Variants in ZDHHC23 observed in about 807,000 individuals in gnomAD.
ZDHHC23 encodes the protein zDHHC palmitoyltransferase 23.
ZDHHC23 carries 41 observed loss-of-function variants against 40.2 expected under a neutral mutation model. The ratio of observed to expected loss-of-function variants is 1.02; its 90% CI spans 0.79 to 1.32. ZDHHC23 has a LOEUF of 1.32. Ranked by LOEUF, ZDHHC23 falls within the 40% of genes most tolerant of loss-of-function variation. ZDHHC23 has a pLI of 0.00. For synonymous variants in ZDHHC23, 204 were observed against 210.2 expected (o/e 0.97, Z 0.26); for missense variants, 471 against 541.5 (o/e 0.87, Z 1.29).
intron 3 of ZDHHC23, among the ~76,000 whole-genome samples, chr3:113,955,066 ATAAT>A (rs762532462): frequency 1.6e-4 from 25 of 152,372 alleles, no homozygotes; most frequent in Non-Finnish European, 2.9e-4. Flanking sequence ...TAAAGGGACT[ATAAT>A]TAATTCAGAT....
rs1939661879 is a variant in ZDHHC23 at position 113,961,319 on chromosome 3, T to G, written c.*2689T>G. On this transcript the variant is annotated 3_prime_UTR_variant, in exon 5 of 5. Coordinates refer to ENST00000638807, the MANE Select transcript of ZDHHC23 (RefSeq NM_001320466.2). Reference sequence around the variant, plus strand: ...CCTACTATCATCTGGCCACTTAGATTATTATCACACCACTGTGGACTGTTC... The same window carrying G: ...CCTACTATCATCTGGCCACTTAGATGATTATCACACCACTGTGGACTGTTC... 6.6e-6 allele frequency: 1 copy of G among 152,022 alleles called. No homozygotes were observed. The highest frequency in any genetic ancestry group is 2.1e-4 in the South Asian group (1 of 4,816). The allele number at this position is 152,022 out of a possible 1,614,324, so 9.4% of individuals were successfully genotyped here. A position where few individuals can be genotyped will look rare whatever the true frequency, so the allele number is the denominator to read the frequency against.
At position 113,958,582 on chromosome 3, in the gene ZDHHC23, C is replaced by A. The variant is rs1255904006; in HGVS notation, c.1260C>A (p.Ser420=). The A allele has an allele frequency of 6.2e-7, 1 of 1,607,246 alleles. No individual in the cohort carries two copies. The highest frequency in any genetic ancestry group is 8.5e-7 in the Non-Finnish European group (1 of 1,179,842). ...RGFLRNWHQF[S]TLGTRAFHHP... ...TCCTGCGGAACTGGCACCAGTTCTC[C>A]ACCCTGGGCACACGTGCATTCCACC... The change falls in exon 5 of 5, where the codon TCC becomes TCA. Residue 420 remains serine (S), a synonymous_variant. Coordinates refer to ENST00000638807, the MANE Select transcript of ZDHHC23 (RefSeq NM_001320466.2).
chr3:113,948,383 C>CT (rs1938310108), intron 1 of ZDHHC23, 193 bp downstream of exon 1: 3 of 186,426 alleles, frequency 1.6e-5, no homozygotes. Flanking sequence ...TCGCCTTTCC[C>CT]TATAGCCCCG....
chr3:113,977,927 T>G, the ZDHHC23 span, among the ~76,000 whole-genome samples: 1 of 152,224 alleles, frequency 6.6e-6, no homozygotes, highest in Admixed American at 6.5e-5. Context: ...ATAGGTCACA[T>G]CATTTTATTC....
At chr3:113,969,055 G>C (rs62265444), downstream of ZDHHC23, among the ~76,000 whole-genome samples, 11,885 of 152,174 alleles carry the variant, frequency 0.078, 504 homozygotes, top group Middle Eastern at 0.12. Flanking sequence ...CAAAGAAAAA[G>C]GGGGAGGGAG....
At chr3:113,955,489 C>T (rs1939128380) in intron 3 of ZDHHC23, among the ~76,000 whole-genome samples, 2 of 152,026 alleles carry the variant, frequency 1.3e-5, no homozygotes, top group South Asian at 4.2e-4. Flanking sequence ...GGGTAGAAGG[C>T]ACTCCCTCTA....
At chr3:113,953,636 T>C in intron 2 of ZDHHC23, 64 bp from the exon 3 acceptor site, 2 of 1,424,394 alleles carry the variant, frequency 1.4e-6, no homozygotes, top group Non-Finnish European at 1.9e-6. Flanking sequence ...GCATTCAGTG[T>C]TCTGTAGCTT....
chr3:113,952,263 C>T (rs1938747298), intron 2 of ZDHHC23, among the ~76,000 whole-genome samples: 1 of 152,188 alleles, frequency 6.6e-6, no homozygotes, highest in Non-Finnish European at 1.5e-5. Context: ...TTGAGTTCTA[C>T]TTTCTACCAA....
rs372430583 is a variant in ZDHHC23 at position 113,953,941 on chromosome 3, A to C, written c.403A>C (p.Lys135Gln). Residue 135 changes from lysine to glutamine, a missense_variant, in exon 3 of 5, where the codon AAA (lysine) becomes CAA (glutamine). Lys to Gln is a moderately conservative substitution (Grantham distance 53). Around this residue, in one of 3 missense-constraint regions of ZDHHC23, gnomAD observed 346 missense variants for 399.8 expected, o/e 0.87. Transcript: ENST00000638807. ...LWYYYLTHRR[K>Q]EQTLFFLSLG... ...GTACTACTACCTCACTCACAGAAGGAAAGAACAGACCCTGTTTTTCCTGAG... is the reference window on the plus strand; with the variant it reads ...GTACTACTACCTCACTCACAGAAGGCAAGAACAGACCCTGTTTTTCCTGAG... 1.5e-5 allele frequency: 25 copies of C among 1,614,022 alleles called. No homozygotes were observed. In the African/African-American group the frequency reaches 2.4e-4, roughly 16 times the overall value.
At chr3:113,948,481 G>T (rs1228705588) in intron 1 of ZDHHC23, 2 of 278,380 alleles carry the variant, frequency 7.2e-6, no homozygotes, top group Non-Finnish European at 1.4e-5. Flanking sequence ...AACCGCCCGC[G>T]CCCCGGCTGT....
intron 2 of ZDHHC23, among the ~76,000 whole-genome samples, chr3:113,951,646 A>C (rs1938672142): frequency 6.6e-6 from 1 of 152,164 alleles, no homozygotes; most frequent in African/African-American, 2.4e-5. Flanking sequence ...TGGGAGCAGC[A>C]GCCCCAAGGA....
downstream of ZDHHC23, chr3:113,965,244 G>A (rs201146772): frequency 2.5e-6 from 4 of 1,611,974 alleles, no homozygotes; most frequent in East Asian, 8.9e-5. Flanking sequence ...TGGAAGTCTG[G>A]AAGAATTTCA....
At chr3:113,966,355 C>G (rs575667345), downstream of ZDHHC23, among the ~76,000 whole-genome samples, 21 of 152,268 alleles carry the variant, frequency 1.4e-4, no homozygotes, top group Admixed American at 7.2e-4. Context: ...CACAGCTGAA[C>G]ACTAGGGGCA....
At chr3:113,978,138 G>A in the ZDHHC23 span, 3 of 1,600,876 alleles carry the variant, frequency 1.9e-6, no homozygotes, top group Admixed American at 1.7e-5. Flanking sequence ...ATATTGCTGA[G>A]CAATTGTGAA....
chr3:113,974,539 C>T, the ZDHHC23 span, among the ~76,000 whole-genome samples: 14 of 149,310 alleles, frequency 9.4e-5, no homozygotes, highest in East Asian at 2.4e-3. Flanking sequence ...AGGCTGGTGT[C>T]GAATTCCTCA....
the ZDHHC23 span, among the ~76,000 whole-genome samples, chr3:113,975,426 C>T: frequency 1.3e-5 from 2 of 152,122 alleles, no homozygotes; most frequent in Admixed American, 1.3e-4. Flanking sequence ...AATGTTAAAG[C>T]CCCTTTTAAA....
rs1163444804 is a variant in ZDHHC23 at position 113,948,819 on chromosome 3, G to C, written c.17G>C (p.Ser6Thr). The C allele has an allele frequency of 1.2e-6, 2 of 1,614,116 alleles. No individual in the cohort carries two copies. The highest frequency in any genetic ancestry group is 4.5e-5 in the East Asian group (2 of 44,900). The change falls in exon 2 of 5, where the codon AGT becomes ACT. Residue 6 changes from serine to threonine, a missense_variant. Around this residue, in one of 3 missense-constraint regions of ZDHHC23, gnomAD observed 83 missense variants for 67.8 expected, o/e 1.22. Coordinates refer to ENST00000638807, the MANE Select transcript of ZDHHC23 (RefSeq NM_001320466.2). ...GTGCAAATCATGACACAGAAGGGCA[G>C]TATGAAGCCTGTGAAGAAAAAGAAA... is the stretch of plus-strand genomic sequence containing the variant. MTQKG[S>T]MKPVKKKKTE...
chr3:113,958,520 G>GA lies in ZDHHC23; in HGVS notation c.1198_1199insA (p.Gly400GlufsTer11), dbSNP rs749839705. The GA allele has an allele frequency of 6.2e-7, 1 of 1,613,580 alleles. No individual in the cohort carries two copies. The highest frequency in any genetic ancestry group is 8.5e-7 in the Non-Finnish European group (1 of 1,180,040). ...GAAGACTGGGCGCCGGCTCCTCTGC[G>GA]GGCTCATCGTGGACACAGGCCAGTA... On this transcript the variant is annotated frameshift_variant, in exon 5 of 5. Transcript: ENST00000638807. LOFTEE classifies it high-confidence loss of function.
chr3:113,951,863 C>T (rs893956753), intron 2 of ZDHHC23, among the ~76,000 whole-genome samples: 5 of 152,178 alleles, frequency 3.3e-5, no homozygotes, highest in Admixed American at 6.5e-5. Flanking sequence ...TTTGGCTGGG[C>T]GCGGTGACTC....
Sources: gnomAD v4.1 joint callset for allele counts (sites outside exome capture counted in the v4.1 genomes callset) on GRCh38, gnomAD v4.1.1 for gene constraint, gnomAD v4.1.1 regional missense constraint, MANE v1.5 for transcripts, NCBI Gene and HGNC (gene_info 2026-07-23, HGNC 2026-07-21) for gene names.